SENP3: variants seen among roughly 807,000 people sequenced by gnomAD.
SENP3 encodes the protein sentrin-specific protease 3.
A neutral mutation model predicts 66.2 loss-of-function variants in SENP3; 11 were observed. The ratio of observed to expected loss-of-function variants is 0.17; its 90% CI spans 0.10 to 0.28. The LOEUF (loss-of-function observed/expected upper bound fraction) is 0.28, where lower values mean the gene tolerates loss of function less well. Ranked by LOEUF, SENP3 falls within the 10% of genes least tolerant of loss-of-function variation. SENP3 has a pLI of 1.00. For synonymous variants in SENP3, 292 were observed against 277.6 expected, an observed-to-expected ratio of 1.05 and a Z score of -0.52; for missense variants, 548 against 743.7, an observed-to-expected ratio of 0.74 and a Z score of 3.06.
chr17:7,563,018 C>T, intron 1 of SENP3, 48 bp from the exon 2 acceptor site: 2 of 1,403,216 alleles, frequency 1.4e-6, no homozygotes, highest in South Asian at 1.8e-5. Flanking sequence ...GCAGGATCTG[C>T]GGTGGGGTGA....
intron 7 of SENP3, among the ~76,000 whole-genome samples, chr17:7,569,531 T>C (rs2071295540): frequency 1.3e-5 from 2 of 152,118 alleles, no homozygotes; most frequent in Admixed American, 6.5e-5. Flanking sequence ...TGAAGAGTTC[T>C]TTTCTCTTCT....
At chr17:7,564,239 C>T (rs2071249391) in intron 2 of SENP3, 1 of 401,894 alleles carries the variant, frequency 2.5e-6, no homozygotes, top group Non-Finnish European at 4.7e-6. Context: ...TTTCGGAGAA[C>T]TCCAGCCAAA....
intron 7 of SENP3, among the ~76,000 whole-genome samples, chr17:7,568,262 A>T (rs2071283132): frequency 6.6e-6 from 1 of 151,730 alleles, no homozygotes; most frequent in African/African-American, 2.4e-5. Context: ...ATCACTGAGG[A>T]TCAGTGATTT....
rs961194163 is a variant in SENP3, at chr17:7,562,028, T to C, written c.-247T>C. The C allele has an allele frequency of 2.5e-6, 1 of 398,478 alleles. No homozygotes were observed. Among genetic ancestry groups the C allele is most frequent in the African/African-American group, 2.1e-5 (1 of 48,082 alleles). 24.7% of individuals were successfully genotyped at this position (398,478 alleles called of 1,614,324 possible). On this transcript the variant is annotated 5_prime_UTR_variant, in exon 1 of 11. Transcript: ENST00000321337. This position sits in a 1 kb window ranked among gnomAD's most constrained non-coding sequence, Gnocchi z 5.0. Reference sequence around the variant, plus strand: ...GCGGCGGTGGCGCTGGTGGCGGCGGTGGCGGAGGTGGAGGTGGAGGTGGAA... The same window carrying C: ...GCGGCGGTGGCGCTGGTGGCGGCGGCGGCGGAGGTGGAGGTGGAGGTGGAA...
At chr17:7,565,861 G>C in intron 6 of SENP3, 97 bp downstream of exon 6, 1 of 1,069,558 alleles carries the variant, frequency 9.3e-7, no homozygotes, top group Non-Finnish European at 1.4e-6. Context: ...CACAGAGAGG[G>C]TCTCTGTTTC....
At chr17:7,566,543 G>A (rs369283093) in intron 6 of SENP3, among the ~76,000 whole-genome samples, 4 of 142,874 alleles carry the variant, frequency 2.8e-5, no homozygotes, top group South Asian at 2.3e-4. Context: ...GCGGGTACCT[G>A]TAGTCCCAGC....
rs576865610 is a variant in SENP3 at position 7,562,859 on chromosome 17, C to T, written c.-11-207C>T. Among the ~76,000 whole-genome samples, 4 of 152,318 alleles carry T rather than the reference C, an allele frequency of 2.6e-5. No homozygotes were observed. In the South Asian group the frequency reaches 8.3e-4, roughly 32 times the overall value. On this transcript the variant is annotated intron_variant, in intron 1 of 10. Coordinates refer to ENST00000321337, the MANE Select transcript of SENP3 (RefSeq NM_015670.6). This position sits in a 1 kb window ranked among gnomAD's most constrained non-coding sequence, Gnocchi z 5.0. Reference sequence around the variant, plus strand: ...CTGCTGCTTAGCCATTTTCCCTTGTCTCTGGACTGGGGAGAGATGATGGCA... The same window carrying T: ...CTGCTGCTTAGCCATTTTCCCTTGTTTCTGGACTGGGGAGAGATGATGGCA...
intron 10 of SENP3, 41 bp from the exon 11 acceptor site, chr17:7,571,332 G>A: frequency 7.0e-7 from 1 of 1,431,674 alleles, no homozygotes; most frequent in South Asian, 1.1e-5. Flanking sequence ...CACAGGTCCT[G>A]ACACGGGGGG....
rs2071319844 is a variant in SENP3, at chr17:7,571,842, TATATATATA to T, written c.*360_*368del. ...CCTGCCAGATCTTCAAACTTTTATA[TATATATATA>T]TATATATATATATATATATATATAT... On this transcript the variant is annotated 3_prime_UTR_variant, in exon 11 of 11. Coordinates refer to ENST00000321337, the MANE Select transcript of SENP3 (RefSeq NM_015670.6). 7 of 19,952 alleles carry T rather than the reference TATATATATA, an allele frequency of 3.5e-4. No individual in the cohort carries two copies. The highest frequency in any genetic ancestry group is 1.1e-3 in the Admixed American group (2 of 1,858). 1.2% of individuals were successfully genotyped at this position (19,952 alleles called of 1,614,324 possible).
Position 7,570,295 on chromosome 17 carries a change from C to T in SENP3, c.1342-61C>T. The T allele has an allele frequency of 1.9e-6, 3 of 1,584,318 alleles. No homozygotes were observed. Among genetic ancestry groups the T allele is most frequent in the Non-Finnish European group, 2.6e-6 (3 of 1,159,272 alleles). On this transcript the variant is annotated intron_variant, in intron 7 of 10. Coordinates refer to ENST00000321337, the MANE Select transcript of SENP3 (RefSeq NM_015670.6). The surrounding 1 kb of genome is among the most constrained non-coding windows in gnomAD (Gnocchi z 5.4). The stretch of plus-strand genomic sequence containing the variant: ...CTGTGTCTCTGTTCCTCTCTAGAAC[C>T]TTCATGGCAAAAGGCAAGACTTCTG...
intron 7 of SENP3, among the ~76,000 whole-genome samples, chr17:7,568,805 G>T (rs530334556): frequency 6.6e-6 from 1 of 152,338 alleles, no homozygotes; most frequent in South Asian, 2.1e-4. Flanking sequence ...AATTCAAGGA[G>T]GGGGTCATGG....
chr17:7,565,240 T>C, intron 4 of SENP3, 170 bp downstream of exon 4: 3 of 802,178 alleles, frequency 3.7e-6, no homozygotes, highest in Non-Finnish European at 5.9e-6. Context: ...GGAGAGTCTT[T>C]ACCTGGGACC....
intron 7 of SENP3, among the ~76,000 whole-genome samples, chr17:7,568,406 G>A (rs1457557846): frequency 1.3e-5 from 2 of 152,220 alleles, no homozygotes; most frequent in Non-Finnish European, 2.9e-5. Flanking sequence ...GACCAGCCTG[G>A]CCGACCTGGC....
intron 7 of SENP3, among the ~76,000 whole-genome samples, chr17:7,568,448 T>G (rs1414588585): frequency 1.3e-5 from 2 of 152,074 alleles, no homozygotes; most frequent in African/African-American, 4.8e-5. Flanking sequence ...ATATGAAAAT[T>G]AGCTGGGCGT....
In SENP3 at chr17:7,570,910, G is replaced by C; in HGVS notation, c.1591G>C (p.Asp531His). 1 of 1,613,620 alleles carries C rather than the reference G, an allele frequency of 6.2e-7. No homozygotes were observed. Among genetic ancestry groups the C allele is most frequent in the Non-Finnish European group, 8.5e-7 (1 of 1,179,720 alleles). Residue 531 changes from aspartate to histidine, a missense_variant, in exon 10 of 11, where the codon GAC (aspartate) becomes CAC (histidine). Coordinates refer to ENST00000321337, the MANE Select transcript of SENP3 (RefSeq NM_015670.6). The surrounding 1 kb of genome is among the most constrained non-coding windows in gnomAD (Gnocchi z 5.4). ...MNVARQNNDS[D>H]CGAFVLQYCK... ...TGTGGCCAGGCAGAATAATGACAGT[G>C]ACTGTGGTGCTTTTGTGTTGCAGGT...
intron 7 of SENP3, among the ~76,000 whole-genome samples, chr17:7,569,141 T>G (rs542516583): frequency 6.6e-6 from 1 of 152,198 alleles, no homozygotes; most frequent in Non-Finnish European, 1.5e-5. Flanking sequence ...ATCCCAGCCC[T>G]TTGGGAGGCT....
At chr17:7,565,117 A>G in intron 4 of SENP3, 47 bp downstream of exon 4, 1 of 1,360,822 alleles carries the variant, frequency 7.3e-7, no homozygotes, top group Non-Finnish European at 1.0e-6. Context: ...GGCCTTGGGG[A>G]TGTGGAGAGA....
At chr17:7,568,461 T>G (rs556387735) in intron 7 of SENP3, among the ~76,000 whole-genome samples, 1 of 152,276 alleles carries the variant, frequency 6.6e-6, no homozygotes, top group East Asian at 1.9e-4. Context: ...CTGGGCGTGG[T>G]GGCGTGCGCC....
rs905994516 is a variant in SENP3, at chr17:7,570,569, C to A, written c.1479+76C>A. ...AAGGCATTGCAGGAAGAAGGGTGGGCTTTGGGTCTTTGAGGGGCGACCTGG... is the reference window on the plus strand; with the variant it reads ...AAGGCATTGCAGGAAGAAGGGTGGGATTTGGGTCTTTGAGGGGCGACCTGG... On this transcript the variant is annotated intron_variant, in intron 8 of 10. Coordinates refer to ENST00000321337, the MANE Select transcript of SENP3 (RefSeq NM_015670.6). The surrounding 1 kb of genome is among the most constrained non-coding windows in gnomAD (Gnocchi z 5.4). 2 of 1,572,096 alleles carry A rather than the reference C, an allele frequency of 1.3e-6. No individual in the cohort carries two copies. The highest frequency in any genetic ancestry group is 2.7e-5 in the African/African-American group (2 of 73,944).
Sources: allele counts gnomAD v4.1 joint callset (sites outside exome capture counted in the v4.1 genomes callset), GRCh38; gene constraint gnomAD v4.1.1; non-coding constraint Gnocchi (gnomAD v3.1); transcripts MANE v1.5; gene names NCBI Gene and HGNC (gene_info 2026-07-23, HGNC 2026-07-21).